CTNNA2: variants seen among roughly 807,000 people sequenced by gnomAD.
CTNNA2 encodes catenin alpha-2.
In CTNNA2, 42 loss-of-function variants were observed where a neutral mutation model predicts 101.0. That is an observed-to-expected ratio of 0.42 (90% CI 0.32 to 0.54). The LOEUF is 0.54. Ranked by LOEUF, CTNNA2 falls within the 20% of genes least tolerant of loss-of-function variation. CTNNA2 has a pLI of 0.14. For synonymous variants in CTNNA2, 450 were observed against 456.4 expected, an observed-to-expected ratio of 0.99 and a Z score of 0.18; for missense variants, 871 against 1,223.1, an observed-to-expected ratio of 0.71 and a Z score of 4.29.
At chr2:80,598,588 T>G (rs1019198191) in intron 15 of CTNNA2, among the ~76,000 whole-genome samples, 11 of 152,196 alleles carry the variant, frequency 7.2e-5, no homozygotes, top group Admixed American at 3.3e-4. Flanking sequence ...CATAAACAAT[T>G]ACGTCAGGTT....
chr2:79,263,040 A>G (rs949161968), intron 2 of CTNNA2, among the ~76,000 whole-genome samples: 1 of 152,234 alleles, frequency 6.6e-6, no homozygotes, highest in Non-Finnish European at 1.5e-5. Context: ...TAAACACTTC[A>G]GTCATAGAGT....
intron 9 of CTNNA2, among the ~76,000 whole-genome samples, chr2:80,482,636 C>A (rs1686238549): frequency 6.6e-6 from 1 of 152,134 alleles, no homozygotes; most frequent in African/African-American, 2.4e-5. Flanking sequence ...GCTAATGTAA[C>A]AGGGAGCTAC....
At chr2:79,763,611 G>A (rs1388954067) in intron 3 of CTNNA2, among the ~76,000 whole-genome samples, 2 of 152,140 alleles carry the variant, frequency 1.3e-5, no homozygotes, top group Non-Finnish European at 2.9e-5. Context: ...TGCAATAGCA[G>A]CATCATTTTT....
chr2:79,912,855 C>T (rs978059766), intron 7 of CTNNA2, among the ~76,000 whole-genome samples: 1 of 152,178 alleles, frequency 6.6e-6, no homozygotes, highest in Non-Finnish European at 1.5e-5. Flanking sequence ...AACACATAAA[C>T]CTTCCTTGGG....
chr2:79,972,090 C>A (rs1574442239), intron 7 of CTNNA2, among the ~76,000 whole-genome samples: 2 of 152,170 alleles, frequency 1.3e-5, no homozygotes, highest in African/African-American at 4.8e-5. Context: ...CGGGGCCAAC[C>A]AGACTCAGAG....
At chr2:80,411,838 G>A (rs1173392855) in intron 8 of CTNNA2, among the ~76,000 whole-genome samples, 1 of 152,122 alleles carries the variant, frequency 6.6e-6, no homozygotes, top group African/African-American at 2.4e-5. Context: ...AAATAAACAA[G>A]TTATTCTAAT....
chr2:79,988,118 A>G (rs1691895654), intron 7 of CTNNA2, among the ~76,000 whole-genome samples: 1 of 152,202 alleles, frequency 6.6e-6, no homozygotes. Flanking sequence ...TATGGACAGG[A>G]CACAATGGGA....
chr2:79,378,162 G>A (rs1678000098), intron 4 of CTNNA2, among the ~76,000 whole-genome samples: 1 of 151,878 alleles, frequency 6.6e-6, no homozygotes, highest in African/African-American at 2.4e-5. Context: ...TTAAGTATAA[G>A]GTATAATTTT....
chr2:79,867,419 A>G (rs1465896045), intron 4 of CTNNA2, among the ~76,000 whole-genome samples: 5 of 151,656 alleles, frequency 3.3e-5, no homozygotes, highest in Non-Finnish European at 7.4e-5. Context: ...ATCCATCTCC[A>G]TCTCTCATCT....
chr2:80,516,970 T>C (rs1689158718), intron 9 of CTNNA2, among the ~76,000 whole-genome samples: 1 of 152,222 alleles, frequency 6.6e-6, no homozygotes, highest in Non-Finnish European at 1.5e-5. Context: ...TTGTTTTTGG[T>C]AGAAACTTCT....
intron 7 of CTNNA2, among the ~76,000 whole-genome samples, chr2:79,993,307 G>A (rs899768045): frequency 6.6e-6 from 1 of 152,176 alleles, no homozygotes; most frequent in Non-Finnish European, 1.5e-5. Context: ...GGTATGCACT[G>A]AAGTCACTTC....
intron 7 of CTNNA2, among the ~76,000 whole-genome samples, chr2:80,020,326 T>C (rs1033560985): frequency 1.3e-5 from 2 of 152,148 alleles, no homozygotes; most frequent in African/African-American, 4.8e-5. Flanking sequence ...TGTGGAGGTA[T>C]CTGGATGACT....
At chr2:80,637,874 T>C (rs569821348) in intron 18 of CTNNA2, among the ~76,000 whole-genome samples, 23 of 152,136 alleles carry the variant, frequency 1.5e-4, no homozygotes, top group Non-Finnish European at 3.1e-4. Flanking sequence ...TTTCTCTCAG[T>C]GATTATGCAT....
chr2:80,000,368 G>A (rs889129309), intron 7 of CTNNA2, among the ~76,000 whole-genome samples: 1 of 152,132 alleles, frequency 6.6e-6, no homozygotes, highest in African/African-American at 2.4e-5. Flanking sequence ...AACCTTTGAC[G>A]CAAAGGTGAA....
At chr2:80,254,023 A>G (rs1197428623) in intron 7 of CTNNA2, among the ~76,000 whole-genome samples, 1 of 152,172 alleles carries the variant, frequency 6.6e-6, no homozygotes, top group African/African-American at 2.4e-5. Context: ...AGTAATTTGC[A>G]TGCCAAGCCA....
intron 2 of CTNNA2, among the ~76,000 whole-genome samples, chr2:79,724,752 T>C (rs1686712265): frequency 6.9e-6 from 1 of 145,168 alleles, no homozygotes; most frequent in Non-Finnish European, 1.5e-5. Context: ...GAGGCGGAGC[T>C]TGCAGTGAGC....
chr2:79,405,557 C>T (rs1678332398), intron 4 of CTNNA2, among the ~76,000 whole-genome samples: 1 of 151,904 alleles, frequency 6.6e-6, no homozygotes, highest in South Asian at 2.1e-4. Context: ...AACTCCTGAC[C>T]TCAAGTGATC....
intron 7 of CTNNA2, among the ~76,000 whole-genome samples, chr2:80,036,121 C>T (rs969970146): frequency 4.6e-5 from 7 of 152,132 alleles, no homozygotes; most frequent in Non-Finnish European, 8.8e-5. Context: ...TAGCAGAGTG[C>T]TGGATAGAAG....
intron 9 of CTNNA2, among the ~76,000 whole-genome samples, chr2:80,503,344 G>A (rs1054990702): frequency 6.6e-6 from 1 of 152,086 alleles, no homozygotes. Context: ...TAGCTTAGAT[G>A]TTTTCCGCAC....
Sources: allele counts gnomAD v4.1 joint callset (sites outside exome capture counted in the v4.1 genomes callset), GRCh38; gene constraint gnomAD v4.1.1; transcripts MANE v1.5; gene names NCBI Gene and HGNC (gene_info 2026-07-23, HGNC 2026-07-21).